The following JMJD1C variants were observed in gnomAD, a reference collection of about 807,000 sequenced individuals.
The protein encoded by JMJD1C is jumonji domain containing 1C.
In JMJD1C, 31 loss-of-function variants were observed where a neutral mutation model predicts 245.3. The ratio of observed to expected loss-of-function variants is 0.13; its 90% CI spans 0.09 to 0.17. JMJD1C has a LOEUF of 0.17. Ranked by LOEUF, JMJD1C falls within the 10% of genes least tolerant of loss-of-function variation. JMJD1C has a pLI of 1.00. For synonymous variants in JMJD1C, 1,057 were observed against 1,017.4 expected (o/e 1.04, Z -0.74); for missense variants, 2,691 against 3,000.2 (o/e 0.90, Z 2.41).
At chr10:63,250,523 C>T (rs1202471405) in intron 3 of JMJD1C, among the ~76,000 whole-genome samples, 1 of 152,054 alleles carries the variant, frequency 6.6e-6, no homozygotes, top group African/African-American at 2.4e-5. Context: ...CCAACACTAA[C>T]ATGCCAAGCA....
chr10:63,466,181 G>T, upstream of JMJD1C: 1 of 187,430 alleles, frequency 5.3e-6, no homozygotes, highest in Non-Finnish European at 1.1e-5. Flanking sequence ...AAAATGAAGA[G>T]GGCCGCGGGA....
intron 3 of JMJD1C, among the ~76,000 whole-genome samples, chr10:63,257,894 T>C (rs914834010): frequency 2.6e-5 from 4 of 152,162 alleles, no homozygotes; most frequent in African/African-American, 4.8e-5. Flanking sequence ...ATGGGTTATA[T>C]TGAGAGTTGA....
At position 63,465,788 on chromosome 10, in the gene JMJD1C, G is replaced by C; in HGVS notation, c.-126C>G. ...ACAGCAGCGGACCCGAAAGAGCGCA[G>C]ACTCGGGACGAACCGGCCGCTCTGC... is the stretch of plus-strand genomic sequence containing the variant. On this transcript the variant is annotated 5_prime_UTR_variant, in exon 1 of 26. Transcript: ENST00000399262. 2 of 1,154,884 alleles carry C rather than the reference G, an allele frequency of 1.7e-6. No individual in the cohort carries two copies. The highest frequency in any genetic ancestry group is 2.5e-6 in the Non-Finnish European group (2 of 795,680). 71.5% of individuals were successfully genotyped at this position (1,154,884 alleles called of 1,614,324 possible).
Position 63,184,621 on chromosome 10 carries a change from C to T in JMJD1C, c.6948G>A (p.Leu2316=), listed in dbSNP as rs79059103. The T allele has an allele frequency of 5.3e-4, 860 of 1,608,164 alleles. 7 individuals carry two copies. The African/African-American group carries it at 9.9e-3, about 18-fold the overall frequency. The change falls in exon 21 of 26, where the codon TTG becomes TTA. Residue 2316 remains leucine (L), a synonymous_variant. Coordinates refer to ENST00000399262, the MANE Select transcript of JMJD1C (RefSeq NM_032776.3). ...ATATATACCTACCATAGGCACTGCA[C>T]AACCTGGGTCCTAGATCAGGACGTA... ...FFVRPDLGPR[L]CSAYGVVAAK... is the part of the protein sequence containing the mutation.
At position 63,207,080 on chromosome 10, in the gene JMJD1C, G is replaced by A. The variant is rs745387842; in HGVS notation, c.4589C>T (p.Ala1530Val). ...AGCTTGCCCATTTCCTACAGAGTTT[G>A]CTTTGTTAATTGTACTACAGATTAC... Reference protein sequence around the residue: ...STVICSTINKANSVGNGQASQ... With the variant: ...STVICSTINKVNSVGNGQASQ... Residue 1530 changes from alanine (A) to valine (V), a missense_variant, in exon 10 of 26, where the codon GCA becomes GTA. Ala to Val is a moderately conservative substitution (Grantham distance 64). This residue lies in a region of JMJD1C where 1,562 missense variants were observed against 1,490.7 expected (regional missense o/e 1.05). Transcript: ENST00000399262. The A allele has an allele frequency of 6.2e-7, 1 of 1,614,170 alleles. No homozygotes were observed. The highest frequency in any genetic ancestry group is 8.5e-7 in the Non-Finnish European group (1 of 1,180,030).
At chr10:63,323,730 A>T (rs1453373889) in intron 2 of JMJD1C, among the ~76,000 whole-genome samples, 1 of 152,198 alleles carries the variant, frequency 6.6e-6, no homozygotes, top group Non-Finnish European at 1.5e-5. Flanking sequence ...GCATTCTCTC[A>T]ATCTTCAAAT....
chr10:63,519,831 T>G (rs1484599505), intron 1 of JMJD1C, among the ~76,000 whole-genome samples: 1 of 152,132 alleles, frequency 6.6e-6, no homozygotes, highest in African/African-American at 2.4e-5. Context: ...GTGAAAGTAG[T>G]AAAAGTAAAG....
intron 1 of JMJD1C, among the ~76,000 whole-genome samples, chr10:63,439,095 A>G (rs2132907205): frequency 6.6e-6 from 1 of 152,314 alleles, no homozygotes; most frequent in African/African-American, 2.4e-5. Context: ...TTCAATCTTT[A>G]ACTGCTATCC....
At chr10:63,455,454 T>C (rs1254246751) in intron 1 of JMJD1C, among the ~76,000 whole-genome samples, 1 of 152,230 alleles carries the variant, frequency 6.6e-6, no homozygotes, top group Non-Finnish European at 1.5e-5. Flanking sequence ...GTTCCACTGA[T>C]CATTATACAG....
At chr10:63,474,204 A>T (rs1953586657) in intron 1 of JMJD1C, among the ~76,000 whole-genome samples, 2 of 152,142 alleles carry the variant, frequency 1.3e-5, no homozygotes, top group Non-Finnish European at 2.9e-5. Flanking sequence ...CAGTAATTCG[A>T]CTCCTTGGAA....
At chr10:63,246,421 T>G (rs1430015408) in intron 3 of JMJD1C, among the ~76,000 whole-genome samples, 1 of 151,474 alleles carries the variant, frequency 6.6e-6, no homozygotes, top group African/African-American at 2.4e-5. Flanking sequence ...ATTTTCAAAG[T>G]GATGAAAATA....
chr10:63,462,362 T>C (rs1316198889), intron 1 of JMJD1C, among the ~76,000 whole-genome samples: 1 of 152,210 alleles, frequency 6.6e-6, no homozygotes, highest in Non-Finnish European at 1.5e-5. Context: ...ATTTTAATCT[T>C]ACTTTATTTG....
chr10:63,279,470 A>G (rs1023650192), intron 2 of JMJD1C, among the ~76,000 whole-genome samples: 3 of 152,252 alleles, frequency 2.0e-5, no homozygotes, highest in African/African-American at 7.2e-5. Flanking sequence ...AGTAGAATGT[A>G]CAGAAGCACT....
At chr10:63,422,072 G>T (rs1206138344) in intron 1 of JMJD1C, among the ~76,000 whole-genome samples, 2 of 152,106 alleles carry the variant, frequency 1.3e-5, no homozygotes, top group African/African-American at 4.8e-5. Flanking sequence ...CATTTTTTGA[G>T]ATCATAGAAG....
chr10:63,244,212 T>G (rs9415674), intron 3 of JMJD1C, among the ~76,000 whole-genome samples: 1 of 152,132 alleles, frequency 6.6e-6, no homozygotes. Context: ...CTGTGGAGAT[T>G]AGTTCCACAG....
intron 2 of JMJD1C, among the ~76,000 whole-genome samples, chr10:63,311,450 C>A (rs543894548): frequency 6.6e-6 from 1 of 152,016 alleles, no homozygotes; most frequent in African/African-American, 2.4e-5. Flanking sequence ...CTAATCCTCA[C>A]GTGTCCATCA....
At chr10:63,493,559 GGC>G (rs1954249910) in intron 1 of JMJD1C, among the ~76,000 whole-genome samples, 1 of 152,092 alleles carries the variant, frequency 6.6e-6, no homozygotes, top group African/African-American at 2.4e-5. Context: ...TGGGATTACA[GGC>G]GTGAGCCACC....
chr10:63,375,002 C>T lies in JMJD1C; in HGVS notation c.333+5316G>A, dbSNP rs561032033. On this transcript the variant is annotated intron_variant, in intron 2 of 25. Coordinates refer to ENST00000399262, the MANE Select transcript of JMJD1C (RefSeq NM_032776.3). ...TACTTCTTTCTTTCCAATTTAAATG[C>T]TATTTGTCTTTTTCTGGTCTAATTT... is the stretch of plus-strand genomic sequence containing the variant. 2.0e-5 allele frequency among the ~76,000 whole-genome samples: 3 copies of T among 152,140 alleles called. No homozygotes were observed. The East Asian group carries it at 5.8e-4, about 29-fold the overall frequency.
rs1033918142 is a variant in JMJD1C, at chr10:63,450,349, C to T, written c.168+15146G>A. Among the ~76,000 whole-genome samples, 6 of 151,984 alleles carry T rather than the reference C, an allele frequency of 3.9e-5. No individual in the cohort carries two copies. The East Asian group carries it at 1.2e-3, about 29-fold the overall frequency. On this transcript the variant is annotated intron_variant, in intron 1 of 25. Coordinates refer to ENST00000399262, the MANE Select transcript of JMJD1C (RefSeq NM_032776.3). ...AAGGATATTCATACACTGATGTTCA[C>T]AGCAGCATTATTACCATAGCAGCAT...
Sources: allele counts gnomAD v4.1 joint callset (sites outside exome capture counted in the v4.1 genomes callset), GRCh38; gene constraint gnomAD v4.1.1; regional missense constraint gnomAD v4.1.1; transcripts MANE v1.5; gene names NCBI Gene and HGNC (gene_info 2026-07-23, HGNC 2026-07-21).